ABCC11: variants seen among roughly 807,000 people sequenced by gnomAD.
The protein encoded by ABCC11 is ATP binding cassette subfamily C member 11.
In ABCC11, 135 loss-of-function variants were observed where a neutral mutation model predicts 149.3. That is an observed-to-expected ratio of 0.90 (90% CI 0.79 to 1.04). The LOEUF is 1.04. Among genes scored for constraint, ABCC11 ranks in the 50% least tolerant of loss-of-function variants. The pLI, the probability that ABCC11 is intolerant of heterozygous loss-of-function variation, is 0.00. For synonymous variants in ABCC11, 665 were observed against 671.4 expected (o/e 0.99, Z 0.15); for missense variants, 1,680 against 1,722.1 (o/e 0.98, Z 0.43).
At position 48,222,785 on chromosome 16, in the gene ABCC11, C is replaced by T. The variant is rs750686824; in HGVS notation, c.590G>A (p.Gly197Glu). 5.6e-6 allele frequency: 9 copies of T among 1,614,152 alleles called. No individual in the cohort carries two copies. The highest frequency in any genetic ancestry group is 3.3e-5 in the South Asian group (3 of 91,082). Residue 197 changes from glycine (G) to glutamate (E), a missense_variant, in exon 6 of 30, where the codon GGG (glycine) becomes GAG (glutamate). Physicochemically the swap from Gly to Glu is moderately conservative, Grantham distance 98. Coordinates refer to ENST00000356608, the MANE Select transcript of ABCC11 (RefSeq NM_001370497.1). ...KILEYSEEQL[G>E]NVVHGVGLCF... ...GAGTCCCACTCCATGGACAACATTC[C>T]CCAACTGCTCTTCTGAATATTCCAG...
At chr16:48,205,589 CT>C (rs1374364236) in intron 12 of ABCC11, 52 bp from the exon 13 acceptor site, 1 of 1,595,598 alleles carries the variant, frequency 6.3e-7, no homozygotes, top group Non-Finnish European at 8.5e-7. Context: ...GGGACAGAGC[CT>C]GCCTGGCTCA....
Position 48,208,489 on chromosome 16 carries a change from A to G in ABCC11, c.1616T>C (p.Met539Thr), listed in dbSNP as rs758657931. The part of the protein sequence containing the change: ...KINLVVSKGM[M>T]LGVCGNTGSG... ...CCCCGTGTTGCCGCAGACCCCTAAC[A>G]TCATCCCCTGCAAGCCAAGGAGGAC... Residue 539 changes from methionine (M) to threonine (T), a missense_variant, in exon 12 of 30, where the codon ATG becomes ACG. Met to Thr is a moderately conservative substitution (Grantham distance 81). Coordinates refer to ENST00000356608, the MANE Select transcript of ABCC11 (RefSeq NM_001370497.1). The G allele has an allele frequency of 6.2e-6, 10 of 1,613,996 alleles. No homozygotes were observed. Among genetic ancestry groups the G allele is most frequent in the Non-Finnish European group, 8.5e-6 (10 of 1,180,004 alleles).
chr16:48,211,028 G>A lies in ABCC11; in HGVS notation c.1528C>T (p.Pro510Ser), dbSNP rs374002009. Residue 510 changes from proline (P) to serine (S), a missense_variant, in exon 11 of 30, where the codon CCT becomes TCT. Transcript: ENST00000356608. The stretch of plus-strand genomic sequence containing the variant: ...TCCTCTGGCCCGAGGGCATCTCTAG[G>A]CCTGGTCATCCCCTCAGAAGCATGC... ...NGHASEGMTRPRDALGPEEEG... is the reference protein window; with the variant it reads ...NGHASEGMTRSRDALGPEEEG... The A allele has an allele frequency of 1.2e-6, 2 of 1,614,162 alleles. No individual in the cohort carries two copies. The highest frequency in any genetic ancestry group is 1.7e-5 in the Admixed American group (1 of 60,030).
Position 48,167,310 on chromosome 16 carries a change from T to C in ABCC11, c.4113A>G (p.Ala1371=), listed in dbSNP as rs762583104. Residue 1371 remains alanine (A), a synonymous_variant, in exon 30 of 30, where the codon GCA becomes GCG. Coordinates refer to ENST00000356608, the MANE Select transcript of ABCC11 (RefSeq NM_001370497.1). ...VLRKKPGSLF[A]ALMATATSSL... ...AAGAAGTGGCTGTGGCCATGAGGGC[T>C]GCGAACAATGACCCAGGCTTCTTCC... 3.3e-6 allele frequency: 3 copies of C among 899,604 alleles called. No individual in the cohort carries two copies. In the South Asian group the frequency reaches 3.9e-5, roughly 12 times the overall value. The allele number at this position is 899,604 out of a possible 1,614,324, so 55.7% of individuals were successfully genotyped here. A position where few individuals can be genotyped will look rare whatever the true frequency, so the allele number is the denominator to read the frequency against.
At chr16:48,186,378 C>T (rs974589163) in intron 22 of ABCC11, among the ~76,000 whole-genome samples, 9 of 152,236 alleles carry the variant, frequency 5.9e-5, no homozygotes, top group African/African-American at 1.9e-4. Context: ...ATTACAAAAA[C>T]ATGTGCCTGT....
At chr16:48,192,087 A>G (rs1233357657) in intron 20 of ABCC11, among the ~76,000 whole-genome samples, 2 of 152,156 alleles carry the variant, frequency 1.3e-5, no homozygotes, top group Admixed American at 1.3e-4. Context: ...TTTTGAGACT[A>G]GCCTGGGCAA....
At chr16:48,232,954 C>T (rs1567291921) in intron 1 of ABCC11, among the ~76,000 whole-genome samples, 1 of 152,178 alleles carries the variant, frequency 6.6e-6, no homozygotes, top group Non-Finnish European at 1.5e-5. Context: ...AATTCTAGCA[C>T]TTTGGGAGGC....
intron 4 of ABCC11, among the ~76,000 whole-genome samples, chr16:48,225,068 T>C (rs1275247799): frequency 1.3e-5 from 2 of 148,722 alleles, no homozygotes; most frequent in Admixed American, 1.3e-4. Context: ...AACAATAAAA[T>C]AACACTACAG....
At chr16:48,218,754 A>AT (rs1254502043) in intron 6 of ABCC11, among the ~76,000 whole-genome samples, 2 of 152,192 alleles carry the variant, frequency 1.3e-5, no homozygotes, top group African/African-American at 4.8e-5. Context: ...GTCTGCCACC[A>AT]TGTAAGATGT....
At chr16:48,232,426 G>A (rs1970475519) in intron 1 of ABCC11, among the ~76,000 whole-genome samples, 1 of 152,134 alleles carries the variant, frequency 6.6e-6, no homozygotes, top group Admixed American at 6.5e-5. Flanking sequence ...CTCAATAAAT[G>A]AAGAATGAAT....
chr16:48,244,443 C>T (rs1971218478), intron 1 of ABCC11: 1 of 1,595,050 alleles, frequency 6.3e-7, no homozygotes, highest in South Asian at 1.1e-5. Flanking sequence ...GCTGCTCACC[C>T]ACGAGGGCGT....
chr16:48,181,149 C>T (rs982483397), intron 23 of ABCC11, among the ~76,000 whole-genome samples: 5 of 152,156 alleles, frequency 3.3e-5, no homozygotes, highest in South Asian at 2.1e-4. Context: ...GAAGCAGCAG[C>T]GGGAGGGATT....
intron 1 of ABCC11, among the ~76,000 whole-genome samples, chr16:48,241,312 C>A (rs182178881): frequency 7.2e-5 from 11 of 152,238 alleles, no homozygotes; most frequent in African/African-American, 2.4e-4. Context: ...AGATAAACTC[C>A]AATTGAATGA....
chr16:48,238,509 C>T (rs1970790064), intron 1 of ABCC11, among the ~76,000 whole-genome samples: 1 of 152,082 alleles, frequency 6.6e-6, no homozygotes, highest in Admixed American at 6.5e-5. Context: ...CACTGCTGGA[C>T]TTCACATTGG....
chr16:48,181,512 T>A (rs2150748815), intron 23 of ABCC11, among the ~76,000 whole-genome samples: 1 of 152,316 alleles, frequency 6.6e-6, no homozygotes, highest in Admixed American at 6.5e-5. Context: ...ATCTCCCTTT[T>A]ACAGATGAGG....
intron 1 of ABCC11, chr16:48,244,509 C>A: frequency 6.3e-7 from 1 of 1,593,498 alleles, no homozygotes; most frequent in Non-Finnish European, 8.5e-7. Flanking sequence ...CAACCTGCAG[C>A]TGGTGCGGAG....
intron 1 of ABCC11, among the ~76,000 whole-genome samples, chr16:48,239,451 A>G (rs1243733651): frequency 6.6e-6 from 1 of 150,846 alleles, no homozygotes; most frequent in African/African-American, 2.4e-5. Context: ...AGTCCCAGCT[A>G]CTCGGGAGGC....
intron 3 of ABCC11, 141 bp downstream of exon 3, chr16:48,230,295 TG>T: frequency 1.0e-6 from 1 of 981,914 alleles, no homozygotes; most frequent in Non-Finnish European, 1.4e-6. Flanking sequence ...TGTGCCTCCC[TG>T]GTGTGCCTCA....
intron 27 of ABCC11, 48 bp from the exon 28 acceptor site, chr16:48,170,266 G>T: frequency 6.8e-7 from 1 of 1,471,396 alleles, no homozygotes; most frequent in Non-Finnish European, 9.5e-7. Context: ...CCACTGTGGG[G>T]TGAGACCCAA....
Sources: gnomAD v4.1 joint callset for allele counts (sites outside exome capture counted in the v4.1 genomes callset) on GRCh38, gnomAD v4.1.1 for gene constraint, MANE v1.5 for transcripts, NCBI Gene and HGNC (gene_info 2026-07-23, HGNC 2026-07-21) for gene names.